Variants in KALRN observed in about 807,000 individuals in gnomAD.
KALRN encodes kalirin.
KALRN carries 70 observed loss-of-function variants against 353.7 expected under a neutral mutation model. That is an observed-to-expected ratio of 0.20 (90% CI 0.16 to 0.24). The LOEUF is 0.24. Among genes scored for constraint, KALRN ranks in the 10% least tolerant of loss-of-function variants. The pLI, the probability that KALRN is intolerant of heterozygous loss-of-function variation, is 1.00. For synonymous variants in KALRN, 1,391 were observed against 1,434.8 expected, an observed-to-expected ratio of 0.97 and a Z score of 0.69; for missense variants, 2,791 against 3,756.7, an observed-to-expected ratio of 0.74 and a Z score of 6.72.
chr3:124,485,166 T>A (rs965357654), intron 28 of KALRN, among the ~76,000 whole-genome samples: 1 of 152,194 alleles, frequency 6.6e-6, no homozygotes, highest in Non-Finnish European at 1.5e-5. Context: ...AAAAATTGAT[T>A]TTTATGGTTT....
chr3:124,446,041 C>T (rs888754054), intron 19 of KALRN, 120 bp from the exon 20 acceptor site: 3 of 620,770 alleles, frequency 4.8e-6, no homozygotes, highest in African/African-American at 3.7e-5. Context: ...CTGGATTAGT[C>T]TCATGGGGAT....
chr3:124,363,388 G>A (rs1398848524), intron 10 of KALRN, among the ~76,000 whole-genome samples: 1 of 152,172 alleles, frequency 6.6e-6, no homozygotes, highest in Non-Finnish European at 1.5e-5. Context: ...GGAGGCCAGA[G>A]CTACCCCACC....
intron 37 of KALRN, among the ~76,000 whole-genome samples, chr3:124,648,615 G>A (rs1486347288): frequency 9.2e-5 from 14 of 152,220 alleles, no homozygotes; most frequent in Non-Finnish European, 1.3e-4. Context: ...ATGGTCAAGC[G>A]AGCCTATAAA....
intron 25 of KALRN, among the ~76,000 whole-genome samples, chr3:124,469,658 C>G (rs1337911883): frequency 2.0e-5 from 3 of 152,140 alleles, no homozygotes; most frequent in African/African-American, 7.2e-5. Context: ...ACCTTTCTCC[C>G]CACCCCATTT....
chr3:124,357,237 T>A (rs1313288921), intron 10 of KALRN, among the ~76,000 whole-genome samples: 1 of 152,218 alleles, frequency 6.6e-6, no homozygotes, highest in Non-Finnish European at 1.5e-5. Context: ...CTGCCTTAGA[T>A]CAGAGCCTCA....
At chr3:124,107,341 A>AT (rs1002059061) in intron 1 of KALRN, among the ~76,000 whole-genome samples, 136 of 150,166 alleles carry the variant, frequency 9.1e-4, no homozygotes, top group South Asian at 1.3e-3. Context: ...TGGAAACCAC[A>AT]TTTTTTTTTT....
At chr3:124,527,464 C>T (rs2067684771) in intron 33 of KALRN, among the ~76,000 whole-genome samples, 1 of 151,868 alleles carries the variant, frequency 6.6e-6, no homozygotes, top group African/African-American at 2.4e-5. Context: ...AAAAAATTAG[C>T]CAGATGTGGT....
At chr3:124,181,076 C>CAAAAA (rs60579271) in intron 1 of KALRN, among the ~76,000 whole-genome samples, 7,530 of 55,212 alleles carry the variant, frequency 0.14, 592 homozygotes, top group Middle Eastern at 0.21. Flanking sequence ...ACTAAAAATA[C>CAAAAA]AAAAAAAAAA....
chr3:124,104,221 T>C (rs2062101492), intron 1 of KALRN, among the ~76,000 whole-genome samples: 1 of 152,220 alleles, frequency 6.6e-6, no homozygotes, highest in South Asian at 2.1e-4. Context: ...AGAAGAAATG[T>C]TCATGTATTC....
chr3:124,282,449 C>T (rs1007963587), intron 5 of KALRN, among the ~76,000 whole-genome samples: 4 of 145,496 alleles, frequency 2.7e-5, no homozygotes, highest in African/African-American at 1.0e-4. Flanking sequence ...ACAATCTTGG[C>T]TCACCACAAC....
intron 1 of KALRN, among the ~76,000 whole-genome samples, chr3:124,227,661 C>CTGTTTTTT (rs2078680135): frequency 1.3e-5 from 1 of 76,140 alleles, no homozygotes; most frequent in African/African-American, 5.0e-5. Flanking sequence ...AGCAACAGGG[C>CTGTTTTTT]TGTTTTTTTT....
intron 5 of KALRN, among the ~76,000 whole-genome samples, chr3:124,275,765 C>A (rs2074647907): frequency 6.6e-6 from 1 of 152,166 alleles, no homozygotes; most frequent in African/African-American, 2.4e-5. Flanking sequence ...CTTAATGGAA[C>A]AAAATTCAGA....
In KALRN at chr3:124,265,873, T is replaced by C. The variant is rs138231591; in HGVS notation, c.456+1183T>C. Among the ~76,000 whole-genome samples the C allele has an allele frequency of 3.5e-3, 535 of 152,240 alleles. 2 individuals are homozygous for C. Among genetic ancestry groups the C allele is most frequent in the Non-Finnish European group, 6.1e-3 (412 of 68,014 alleles). On this transcript the variant is annotated intron_variant, in intron 4 of 59. Transcript: ENST00000682506. ...CGCCTGTACTGTAATCCCAACACTT[T>C]GGGAGGCTGAGGAGGGTGGATCACT...
chr3:124,387,662 A>G (rs9836507), intron 11 of KALRN, among the ~76,000 whole-genome samples: 17,736 of 152,228 alleles, frequency 0.12, 1,277 homozygotes, highest in Non-Finnish European at 0.16. Context: ...ACAGGAGGCT[A>G]TCAGGAAATT....
At chr3:124,701,949 T>A in intron 56 of KALRN, 89 bp from the exon 57 acceptor site, 1 of 948,754 alleles carries the variant, frequency 1.1e-6, no homozygotes, top group Non-Finnish European at 1.7e-6. Context: ...AGAATTGCTT[T>A]GGGGTTACTC....
intron 1 of KALRN, among the ~76,000 whole-genome samples, chr3:124,211,437 T>C (rs1375845976): frequency 6.6e-6 from 1 of 152,156 alleles, no homozygotes; most frequent in Non-Finnish European, 1.5e-5. Flanking sequence ...TGTGAACAAA[T>C]ACAGAAATAT....
intron 9 of KALRN, among the ~76,000 whole-genome samples, chr3:124,346,226 T>C (rs79203788): frequency 1.9e-3 from 284 of 152,294 alleles, no homozygotes; most frequent in Admixed American, 2.2e-3. Flanking sequence ...TCTGCAAGAA[T>C]GCAAAATGGG....
intron 34 of KALRN, among the ~76,000 whole-genome samples, chr3:124,574,569 C>A (rs903660197): frequency 2.0e-5 from 3 of 152,132 alleles, no homozygotes; most frequent in South Asian, 2.1e-4. Flanking sequence ...AGGATTTGAT[C>A]CCAGAGAAGA....
In KALRN at chr3:124,461,976, G is replaced by A. The variant is rs200035783; in HGVS notation, c.3921+20G>A. ...TTAGAGGTGAGTCTTCCAGTAATCCGTTCACAGCTATATTGGAAAAATGAC... is the reference window on the plus strand; with the variant it reads ...TTAGAGGTGAGTCTTCCAGTAATCCATTCACAGCTATATTGGAAAAATGAC... On this transcript the variant is annotated intron_variant, in intron 24 of 59. Transcript: ENST00000682506. 2.0e-5 allele frequency: 32 copies of A among 1,573,536 alleles called. No homozygotes were observed. Among genetic ancestry groups the A allele is most frequent in the Middle Eastern group, 1.7e-4 (1 of 6,010 alleles).
Sources: gnomAD v4.1 joint callset for allele counts (sites outside exome capture counted in the v4.1 genomes callset) on GRCh38, gnomAD v4.1.1 for gene constraint, MANE v1.5 for transcripts, NCBI Gene and HGNC (gene_info 2026-07-23, HGNC 2026-07-21) for gene names.